The following SUSD5 variants were observed in gnomAD, a reference collection of about 807,000 sequenced individuals.
SUSD5 encodes the protein sushi domain-containing protein 5.
SUSD5 carries 33 observed loss-of-function variants against 29.5 expected under a neutral mutation model. That is an observed-to-expected ratio of 1.12 (90% CI 0.85 to 1.49). The LOEUF (loss-of-function observed/expected upper bound fraction) is 1.49. Ranked by LOEUF, SUSD5 falls within the 40% of genes most tolerant of loss-of-function variation. The probability of loss-of-function intolerance (pLI) is 0.00; values close to 1 mark genes in which losing one functional copy is unlikely to be tolerated. For missense variants in SUSD5, 776 were observed against 800.6 expected (o/e 0.97, Z 0.37); for synonymous variants, 308 against 325.3 (o/e 0.95, Z 0.57).
chr3:33,161,672 T>TA (rs998089746), intron 4 of SUSD5, among the ~76,000 whole-genome samples: 62 of 151,892 alleles, frequency 4.1e-4, no homozygotes, highest in African/African-American at 1.4e-3. Context: ...GTAAAAGAAT[T>TA]AAAAAAAGTC....
chr3:33,170,580 C>T (rs1260355739), intron 4 of SUSD5, among the ~76,000 whole-genome samples: 1 of 152,172 alleles, frequency 6.6e-6, no homozygotes, highest in Non-Finnish European at 1.5e-5. Flanking sequence ...GCTGAGGGAC[C>T]CTCCTACACC....
rs920909695 is a variant in SUSD5, at chr3:33,181,583, G to A, written c.410-6509C>T. Among the ~76,000 whole-genome samples, 20 of 152,014 alleles carry A rather than the reference G, an allele frequency of 1.3e-4. 1 individual carries two copies. The highest frequency in any genetic ancestry group is 1.5e-5 in the Non-Finnish European group (1 of 67,994). On this transcript the variant is annotated intron_variant, in intron 3 of 4. Transcript: ENST00000309558. ...AGACAGGGTTTCCATATGTTGCCCAGGCTGGTCTCAAACTCTTGGGCTCAA... is the reference window on the plus strand; with the variant it reads ...AGACAGGGTTTCCATATGTTGCCCAAGCTGGTCTCAAACTCTTGGGCTCAA...
At chr3:33,184,660 T>C (rs1285280177) in intron 3 of SUSD5, among the ~76,000 whole-genome samples, 1 of 152,182 alleles carries the variant, frequency 6.6e-6, no homozygotes, top group Non-Finnish European at 1.5e-5. Flanking sequence ...TCTATTGCCA[T>C]ATCTTCAACC....
intron 3 of SUSD5, among the ~76,000 whole-genome samples, chr3:33,186,998 G>C (rs1032622173): frequency 6.6e-6 from 1 of 152,152 alleles, no homozygotes; most frequent in African/African-American, 2.4e-5. Flanking sequence ...GGTGAAGAAT[G>C]AACCAAAGTC....
At chr3:33,184,338 TCTTC>T (rs1407403073) in intron 3 of SUSD5, among the ~76,000 whole-genome samples, 2 of 152,200 alleles carry the variant, frequency 1.3e-5, no homozygotes, top group African/African-American at 4.8e-5. Context: ...TCCTCTAGAT[TCTTC>T]CAAGATTTTA....
Position 33,152,672 on chromosome 3 carries a change from G to T in SUSD5, c.*70C>A. On this transcript the variant is annotated 3_prime_UTR_variant, in exon 5 of 5. Coordinates refer to ENST00000309558, the MANE Select transcript of SUSD5 (RefSeq NM_015551.2). ...CAGTCCACCTGCGTCATGCTCTAGT[G>T]AATTATCGTGTGATGTGTCACAGTT... The T allele has an allele frequency of 6.8e-7, 1 of 1,462,872 alleles. No homozygotes were observed. Among genetic ancestry groups the T allele is most frequent in the South Asian group, 1.4e-5 (1 of 73,096 alleles). 90.6% of individuals were successfully genotyped at this position (1,462,872 alleles called of 1,614,324 possible). A position where few individuals can be genotyped will look rare whatever the true frequency, so the allele number is the denominator to read the frequency against.
Position 33,204,646 on chromosome 3 carries a change from T to C in SUSD5, c.409+3162A>G, listed in dbSNP as rs1211652704. Among the ~76,000 whole-genome samples the C allele has an allele frequency of 6.7e-6, 1 of 149,554 alleles. No homozygotes were observed. Among genetic ancestry groups the C allele is most frequent in the Non-Finnish European group, 1.5e-5 (1 of 66,822 alleles). Reference sequence around the variant, plus strand: ...TGTTTTATTTTGTTTTGTTTTGTTTTGTTTTGTTTTGTTTTGTTTTTGAGA... The same window carrying C: ...TGTTTTATTTTGTTTTGTTTTGTTTCGTTTTGTTTTGTTTTGTTTTTGAGA... On this transcript the variant is annotated intron_variant, in intron 3 of 4. Coordinates refer to ENST00000309558, the MANE Select transcript of SUSD5 (RefSeq NM_015551.2). This position sits in a 1 kb window ranked among gnomAD's most constrained non-coding sequence, Gnocchi z 4.5.
In SUSD5 at chr3:33,174,912, T is replaced by C. The variant is rs768816890; in HGVS notation, c.572A>G (p.Tyr191Cys). The C allele has an allele frequency of 4.3e-6, 7 of 1,614,040 alleles. No homozygotes were observed. Among genetic ancestry groups the C allele is most frequent in the Non-Finnish European group, 5.9e-6 (7 of 1,179,896 alleles). Residue 191 changes from tyrosine (Y) to cysteine (C), a missense_variant, in exon 4 of 5, where the codon TAC (tyrosine) becomes TGC (cysteine). By Grantham distance (194) the Tyr-to-Cys change is radical. Coordinates refer to ENST00000309558, the MANE Select transcript of SUSD5 (RefSeq NM_015551.2). ...TLLCNSCGEW[Y>C]GLVQACGKDE... ...TTTCCCACAGGCCTGCACCAGGCCG[T>C]ACCACTCCCCACAGCTGTTACATAG... is the stretch of plus-strand genomic sequence containing the variant.
At chr3:33,161,348 C>T (rs1330311841) in intron 4 of SUSD5, among the ~76,000 whole-genome samples, 1 of 152,024 alleles carries the variant, frequency 6.6e-6, no homozygotes, top group Non-Finnish European at 1.5e-5. Context: ...GTTATAATTT[C>T]TAGAGTAACC....
chr3:33,214,009 G>C lies in SUSD5; in HGVS notation c.209C>G (p.Ser70Cys). ...TACCACTCTCCGCAGCTCGTCTGCA[G>C]ATGCCAGGTGAGCGCCCCTGCTCTT... ...SCKSRGAHLA[S>C]ADELRRVVQD... The change falls in exon 2 of 5, where the codon TCT becomes TGT. Residue 70 changes from serine (S) to cysteine (C), a missense_variant. Coordinates refer to ENST00000309558, the MANE Select transcript of SUSD5 (RefSeq NM_015551.2). The C allele has an allele frequency of 6.2e-7, 1 of 1,613,858 alleles. No homozygotes were observed. Among genetic ancestry groups the C allele is most frequent in the Non-Finnish European group, 8.5e-7 (1 of 1,179,832 alleles).
chr3:33,213,436 G>A (rs905952259), intron 2 of SUSD5, among the ~76,000 whole-genome samples: 6 of 152,072 alleles, frequency 3.9e-5, no homozygotes, highest in South Asian at 2.1e-4. Flanking sequence ...ACATAACAAA[G>A]TAAGGGGATA....
chr3:33,163,194 C>A (rs980056519), intron 4 of SUSD5, among the ~76,000 whole-genome samples: 2 of 152,082 alleles, frequency 1.3e-5, no homozygotes, highest in African/African-American at 4.8e-5. Context: ...TTTATATATA[C>A]AGTGTAACCT....
At chr3:33,208,342 C>A (rs2032261011) in intron 2 of SUSD5, among the ~76,000 whole-genome samples, 1 of 152,054 alleles carries the variant, frequency 6.6e-6, no homozygotes, top group Non-Finnish European at 1.5e-5. Context: ...TGGCAGCACC[C>A]CATGAGTTTG....
intron 4 of SUSD5, among the ~76,000 whole-genome samples, chr3:33,158,680 C>A (rs1395798533): frequency 6.6e-6 from 1 of 152,142 alleles, no homozygotes; most frequent in African/African-American, 2.4e-5. Context: ...CTTTGTGAAA[C>A]AATACACCTT....
At chr3:33,161,513 A>G (rs1325333567) in intron 4 of SUSD5, among the ~76,000 whole-genome samples, 1 of 152,218 alleles carries the variant, frequency 6.6e-6, no homozygotes, top group African/African-American at 2.4e-5. Flanking sequence ...CAGTAATTTT[A>G]AAACCAAATC....
intron 3 of SUSD5, among the ~76,000 whole-genome samples, chr3:33,181,531 C>T (rs1034937250): frequency 2.0e-5 from 3 of 151,700 alleles, no homozygotes; most frequent in Non-Finnish European, 2.9e-5. Flanking sequence ...TGCCACCCTG[C>T]CTAGATATTT....
At chr3:33,193,914 C>A (rs2094338657) in intron 3 of SUSD5, among the ~76,000 whole-genome samples, 1 of 152,186 alleles carries the variant, frequency 6.6e-6, no homozygotes, top group African/African-American at 2.4e-5. Context: ...ACCAGACTGC[C>A]TTTGCAAAAC....
intron 3 of SUSD5, among the ~76,000 whole-genome samples, chr3:33,202,024 T>TTATCTATCTATC (rs60454731): frequency 0.019 from 2,808 of 146,622 alleles, 37 homozygotes; most frequent in East Asian, 0.027. Flanking sequence ...AGGGGAGAAG[T>TTATCTATCTATC]TATCTATCTA....
At chr3:33,208,426 G>A (rs1171864275) in intron 2 of SUSD5, among the ~76,000 whole-genome samples, 1 of 151,866 alleles carries the variant, frequency 6.6e-6, no homozygotes, top group Non-Finnish European at 1.5e-5. Context: ...ATTTATTTAA[G>A]GATATCTTTT....
Sources: allele counts gnomAD v4.1 joint callset (sites outside exome capture counted in the v4.1 genomes callset), GRCh38; gene constraint gnomAD v4.1.1; non-coding constraint Gnocchi (gnomAD v3.1); transcripts MANE v1.5; gene names NCBI Gene and HGNC (gene_info 2026-07-23, HGNC 2026-07-21).